The following COL8A1 variants were observed in gnomAD, a reference collection of about 807,000 sequenced individuals.
The protein encoded by COL8A1 is collagen type VIII alpha 1 chain, also known as collagen alpha-1(VIII) chain.
A neutral mutation model predicts 42.7 loss-of-function variants in COL8A1; 21 were observed. The ratio of observed to expected loss-of-function variants is 0.49; its 90% CI spans 0.35 to 0.71. The LOEUF (loss-of-function observed/expected upper bound fraction) is 0.71, where lower values mean the gene tolerates loss of function less well. Among genes scored for constraint, COL8A1 ranks in the 30% least tolerant of loss-of-function variants. COL8A1 has a pLI of 0.01. For synonymous variants in COL8A1, 367 were observed against 369.1 expected (o/e 0.99, Z 0.06); for missense variants, 788 against 962.4 (o/e 0.82, Z 2.40).
intron 3 of COL8A1, among the ~76,000 whole-genome samples, chr3:99,793,345 C>A (rs549851143): frequency 1.3e-5 from 2 of 151,912 alleles, no homozygotes; most frequent in Non-Finnish European, 1.5e-5. Flanking sequence ...TTTAATTATT[C>A]CACATTGTAT....
intron 1 of COL8A1, among the ~76,000 whole-genome samples, chr3:99,670,253 G>C (rs1938501491): frequency 6.6e-6 from 1 of 152,048 alleles, no homozygotes; most frequent in Non-Finnish European, 1.5e-5. Flanking sequence ...AATGAATTTA[G>C]TAGTAACAGC....
rs1254212129 is a variant in COL8A1 at position 99,794,401 on chromosome 3, G to A, written c.500G>A (p.Gly167Glu). The change falls in exon 4 of 4, where the codon GGG (glycine) becomes GAG (glutamate). Residue 167 changes from glycine (G) to glutamate (E), a missense_variant. Gly to Glu is a moderately conservative substitution (Grantham distance 98, BLOSUM62 -2). Coordinates refer to ENST00000652472, the MANE Select transcript of COL8A1 (RefSeq NM_020351.4). The surrounding 1 kb of genome is among the most constrained non-coding windows in gnomAD (Gnocchi z 4.3). ...AAGCCAGGTATGCCTGGAATGCCAG[G>A]GAAGCCAGGAGCCATGGGCATGCCT... Reference protein sequence around the residue: ...VGKPGMPGMPGKPGAMGMPGA... With the variant: ...VGKPGMPGMPEKPGAMGMPGA... 6.2e-7 allele frequency: 1 copy of A among 1,614,042 alleles called. No individual in the cohort carries two copies. Among genetic ancestry groups the A allele is most frequent in the East Asian group, 2.2e-5 (1 of 44,854 alleles).
At chr3:99,666,080 G>C (rs1053001159) in intron 1 of COL8A1, among the ~76,000 whole-genome samples, 2 of 152,064 alleles carry the variant, frequency 1.3e-5, no homozygotes, top group African/African-American at 4.8e-5. Flanking sequence ...GAAACCTGTA[G>C]GTGTGATGTC....
At chr3:99,685,316 AG>A (rs1368921365) in intron 1 of COL8A1, 2 of 152,226 alleles carry the variant, frequency 1.3e-5, no homozygotes, top group African/African-American at 4.8e-5. Context: ...CATACATTTC[AG>A]GCTTCTACTT....
rs367920647 is a variant in COL8A1, at chr3:99,790,787, G to A, written c.105G>A (p.Pro35=). The A allele has an allele frequency of 2.0e-5, 33 of 1,614,118 alleles. No homozygotes were observed. The African/African-American group carries it at 2.7e-4, about 13-fold the overall frequency. Residue 35 remains proline (P), a synonymous_variant, in exon 3 of 4, where the codon CCG becomes CCA. Transcript: ENST00000652472. ...CTGGTGCCTACTATGGGATCAAGCCGCTGCCACCTCAAATTCCTCCTCAGA... is the reference window on the plus strand; with the variant it reads ...CTGGTGCCTACTATGGGATCAAGCCACTGCCACCTCAAATTCCTCCTCAGA... ...IQAGAYYGIK[P]LPPQIPPQMP...
chr3:99,719,849 G>A (rs1229214439), intron 1 of COL8A1, among the ~76,000 whole-genome samples: 2 of 152,086 alleles, frequency 1.3e-5, no homozygotes, highest in African/African-American at 4.8e-5. Context: ...ACAGCAGTGA[G>A]GCAATGTAAA....
intron 1 of COL8A1, among the ~76,000 whole-genome samples, chr3:99,682,148 G>A (rs561443787): frequency 1.3e-5 from 2 of 152,198 alleles, no homozygotes; most frequent in African/African-American, 2.4e-5. Flanking sequence ...GGTTCGGTGG[G>A]TCATGCCTGT....
At chr3:99,695,415 G>T (rs986348399) in intron 1 of COL8A1, among the ~76,000 whole-genome samples, 2 of 152,044 alleles carry the variant, frequency 1.3e-5, no homozygotes, top group African/African-American at 4.8e-5. Context: ...ATGGTCTCTT[G>T]TTTTTTGTAT....
chr3:99,733,333 A>G (rs891420002), intron 1 of COL8A1, among the ~76,000 whole-genome samples: 1 of 134,278 alleles, frequency 7.4e-6, no homozygotes, highest in African/African-American at 2.9e-5. Flanking sequence ...AGAGTGTGAT[A>G]TTCCCCTTCC....
chr3:99,716,975 T>C (rs926697280), intron 1 of COL8A1, among the ~76,000 whole-genome samples: 2 of 151,986 alleles, frequency 1.3e-5, no homozygotes, highest in African/African-American at 4.8e-5. Context: ...CAGCTTCATA[T>C]GGAATCAAGG....
intron 2 of COL8A1, among the ~76,000 whole-genome samples, chr3:99,752,865 T>C (rs151052645): frequency 3.3e-5 from 5 of 152,206 alleles, no homozygotes; most frequent in Non-Finnish European, 7.4e-5. Flanking sequence ...GTGCACCTAG[T>C]GGCCTCAGTT....
chr3:99,781,291 T>C lies in COL8A1; in HGVS notation c.-3-9389T>C, dbSNP rs139861172. ...GGATTGCCATTCTGACTGAATGGTG[T>C]CTTTGTGTGTGGTGGTGGGTGAGGG... On this transcript the variant is annotated intron_variant, in intron 2 of 3. Transcript: ENST00000652472. Among the ~76,000 whole-genome samples the C allele has an allele frequency of 2.4e-4, 36 of 152,290 alleles. No individual in the cohort carries two copies. The East Asian group carries it at 6.6e-3, about 28-fold the overall frequency.
chr3:99,728,826 C>T (rs1337805042), intron 1 of COL8A1, among the ~76,000 whole-genome samples: 1 of 151,930 alleles, frequency 6.6e-6, no homozygotes, highest in African/African-American at 2.4e-5. Flanking sequence ...CTTTTTGGTT[C>T]AATTTAAGAT....
intron 1 of COL8A1, among the ~76,000 whole-genome samples, chr3:99,647,046 G>A (rs1398529569): frequency 1.3e-5 from 2 of 152,110 alleles, no homozygotes; most frequent in Non-Finnish European, 2.9e-5. Flanking sequence ...AAAGTTCTGT[G>A]GTCAAATAAG....
At chr3:99,647,277 A>G (rs951464039) in intron 1 of COL8A1, among the ~76,000 whole-genome samples, 1 of 152,180 alleles carries the variant, frequency 6.6e-6, no homozygotes, top group East Asian at 1.9e-4. Flanking sequence ...CTGCAGCATT[A>G]TTTCAAGATC....
chr3:99,781,117 G>A (rs909987995), intron 2 of COL8A1, among the ~76,000 whole-genome samples: 4 of 152,152 alleles, frequency 2.6e-5, no homozygotes, highest in Non-Finnish European at 5.9e-5. Flanking sequence ...TCATTGTTGG[G>A]AACAGTCCTG....
In COL8A1 at chr3:99,796,276, T is replaced by C. The variant is rs1415329177; in HGVS notation, c.*140T>C. 5 of 668,452 alleles carry C rather than the reference T, an allele frequency of 7.5e-6. No homozygotes were observed. The highest frequency in any genetic ancestry group is 2.8e-5 in the East Asian group (1 of 35,618). The allele number at this position is 668,452 out of a possible 1,614,324, so 41.4% of individuals were successfully genotyped here. A position where few individuals can be genotyped will look rare whatever the true frequency, so the allele number is the denominator to read the frequency against. On this transcript the variant is annotated 3_prime_UTR_variant, in exon 4 of 4. Transcript: ENST00000652472. Reference sequence around the variant, plus strand: ...TATATGTAAGTGAAAATTTGGACCATTGTGTACAAATAAAAACTAAGATGC... The same window carrying C: ...TATATGTAAGTGAAAATTTGGACCACTGTGTACAAATAAAAACTAAGATGC...
intron 2 of COL8A1, among the ~76,000 whole-genome samples, chr3:99,751,893 C>T (rs1941157288): frequency 6.6e-6 from 1 of 152,184 alleles, no homozygotes; most frequent in Non-Finnish European, 1.5e-5. Flanking sequence ...TTCTTAGCCA[C>T]TTTTAAGACA....
intron 1 of COL8A1, among the ~76,000 whole-genome samples, chr3:99,714,116 T>C (rs1217134981): frequency 6.6e-6 from 1 of 152,068 alleles, no homozygotes; most frequent in Non-Finnish European, 1.5e-5. Flanking sequence ...GCCCCTGACA[T>C]AGCTCTCCCT....
Sources: gnomAD v4.1 joint callset for allele counts (sites outside exome capture counted in the v4.1 genomes callset) on GRCh38, gnomAD v4.1.1 for gene constraint, Gnocchi (gnomAD v3.1) non-coding constraint, MANE v1.5 for transcripts, NCBI Gene and HGNC (gene_info 2026-07-23, HGNC 2026-07-21) for gene names.